Variants in SLC25A24 observed in about 807,000 individuals in gnomAD.
SLC25A24 encodes the protein solute carrier family 25 member 24.
In SLC25A24, 49 loss-of-function variants were observed where a neutral mutation model predicts 60.7. That is an observed-to-expected ratio of 0.81 (90% CI 0.64 to 1.02). SLC25A24 has a LOEUF of 1.02. SLC25A24 is among the 50% of genes least tolerant of loss of function. The pLI is 0.00. For missense variants in SLC25A24, 564 were observed against 586.3 expected (o/e 0.96, Z 0.39); for synonymous variants, 202 against 200.6 (o/e 1.01, Z -0.06).
At chr1:108,143,753 C>CT in intron 7 of SLC25A24, 43 bp from the exon 8 acceptor site, 1 of 1,462,612 alleles carries the variant, frequency 6.8e-7, no homozygotes, top group Non-Finnish European at 9.5e-7. Flanking sequence ...CATATTAACT[C>CT]TATCATCATG....
At chr1:108,181,284 TA>T (rs1266239418) in intron 3 of SLC25A24, among the ~76,000 whole-genome samples, 1 of 108,324 alleles carries the variant, frequency 9.2e-6, no homozygotes, top group Non-Finnish European at 1.9e-5. Flanking sequence ...ACAATATTAA[TA>T]CAATATAATT....
intron 2 of SLC25A24, among the ~76,000 whole-genome samples, chr1:108,185,490 A>G (rs552800103): frequency 7.2e-5 from 11 of 152,240 alleles, no homozygotes; most frequent in Non-Finnish European, 1.6e-4. Context: ...TTTTACCCAG[A>G]GGACAAGAAA....
Position 108,200,283 on chromosome 1 carries a change from G to A in SLC25A24, c.-145C>T. 2.8e-6 allele frequency: 1 copy of A among 361,656 alleles called. No individual in the cohort carries two copies. The highest frequency in any genetic ancestry group is 4.2e-6 in the Non-Finnish European group (1 of 238,692). The allele number at this position is 361,656 out of a possible 1,614,324, so 22.4% of individuals were successfully genotyped here. A position where few individuals can be genotyped will look rare whatever the true frequency, so the allele number is the denominator to read the frequency against. Reference sequence around the variant, plus strand: ...GCGCCGTCGGGGTTGCGGCTGCGGCGCGCAGGGCGCAGGGCGCAGGAGCGG... The same window carrying A: ...GCGCCGTCGGGGTTGCGGCTGCGGCACGCAGGGCGCAGGGCGCAGGAGCGG... On this transcript the variant is annotated 5_prime_UTR_variant, in exon 1 of 10. Transcript: ENST00000565488.
At chr1:108,144,146 G>A (rs1048169704) in intron 7 of SLC25A24, among the ~76,000 whole-genome samples, 1 of 152,066 alleles carries the variant, frequency 6.6e-6, no homozygotes. Flanking sequence ...GTTTTTTTGA[G>A]AGGTGTGTGG....
At chr1:108,137,590 G>C (rs1046220007) in intron 9 of SLC25A24, among the ~76,000 whole-genome samples, 6 of 152,184 alleles carry the variant, frequency 3.9e-5, no homozygotes, top group African/African-American at 7.2e-5. Context: ...AAAGATGTCT[G>C]AACAGATGTA....
At chr1:108,154,073 A>AT (rs3043351) in intron 6 of SLC25A24, among the ~76,000 whole-genome samples, 33,455 of 133,356 alleles carry the variant, frequency 0.25, 4,215 homozygotes, top group Middle Eastern at 0.28. Flanking sequence ...ATTTTCTTTA[A>AT]TTTTTTTTTT....
chr1:108,176,728 T>C (rs989247916), intron 3 of SLC25A24, among the ~76,000 whole-genome samples: 4 of 152,116 alleles, frequency 2.6e-5, no homozygotes, highest in African/African-American at 2.4e-5. Context: ...ATGATATATT[T>C]AAAGCGTTCA....
intron 1 of SLC25A24, among the ~76,000 whole-genome samples, chr1:108,192,160 C>T (rs1202446582): frequency 2.9e-5 from 4 of 138,346 alleles, no homozygotes; most frequent in Admixed American, 8.2e-5. Context: ...CTGGGGAGGG[C>T]GCATCTTTAG....
chr1:108,187,171 A>T (rs942616562), intron 1 of SLC25A24, among the ~76,000 whole-genome samples: 3 of 152,170 alleles, frequency 2.0e-5, no homozygotes, highest in African/African-American at 7.2e-5. Context: ...TGAGAGACAG[A>T]TCTGAAACTT....
At chr1:108,159,483 T>TA (rs67168766) in intron 4 of SLC25A24, among the ~76,000 whole-genome samples, 4 of 142,834 alleles carry the variant, frequency 2.8e-5, no homozygotes, top group Admixed American at 7.1e-5. Flanking sequence ...TTTTTTTTTT[T>TA]AATTGATCAT....
rs1451952382 is a variant in SLC25A24, at chr1:108,159,453, A to G, written c.510+1729T>C. The stretch of plus-strand genomic sequence containing the variant: ...AAGTTTTCAGAATGGACATTTATGC[A>G]GTCTTGGGTTGTTTTTTTTTTTTTT... On this transcript the variant is annotated intron_variant, in intron 4 of 9. Transcript: ENST00000565488. Among the ~76,000 whole-genome samples, 4 of 143,940 alleles carry G rather than the reference A, an allele frequency of 2.8e-5. No homozygotes were observed. The East Asian group carries it at 8.2e-4, about 29-fold the overall frequency. 94.4% of individuals were successfully genotyped at this position (143,940 alleles called of 152,430 possible). A position where few individuals can be genotyped will look rare whatever the true frequency, so the allele number is the denominator to read the frequency against.
In SLC25A24 at chr1:108,171,042, A is replaced by G. The variant is rs140748512; in HGVS notation, c.399-9749T>C. Among the ~76,000 whole-genome samples the G allele has an allele frequency of 5.9e-3, 893 of 152,264 alleles. 12 individuals are homozygous for G. The highest frequency in any genetic ancestry group is 0.02 in the African/African-American group (847 of 41,556). ...TTTACTGTACTTGAATTTATTTCTC[A>G]CATCTTACCTATTGCTTTCTAATTA... On this transcript the variant is annotated intron_variant, in intron 3 of 9. Coordinates refer to ENST00000565488, the MANE Select transcript of SLC25A24 (RefSeq NM_013386.5).
At chr1:108,175,988 T>C (rs1359987914) in intron 3 of SLC25A24, among the ~76,000 whole-genome samples, 1 of 151,266 alleles carries the variant, frequency 6.6e-6, no homozygotes, top group Non-Finnish European at 1.5e-5. Context: ...TCAACAACAA[T>C]CAGGAACAAA....
At position 108,156,472 on chromosome 1, in the gene SLC25A24, CCCT is replaced by C. The variant is rs1010879360; in HGVS notation, c.669+987_669+989del. On this transcript the variant is annotated intron_variant, in intron 5 of 9. Coordinates refer to ENST00000565488, the MANE Select transcript of SLC25A24 (RefSeq NM_013386.5). ...TCCTAAAGAAAAACACACACCAATC[CCCT>C]CTCCTTTTTCTTTAAAGCATTAGCT... Among the ~76,000 whole-genome samples the C allele has an allele frequency of 1.3e-3, 203 of 152,222 alleles. 2 individuals are homozygous for C. Among genetic ancestry groups the C allele is most frequent in the African/African-American group, 4.5e-3 (189 of 41,540 alleles).
chr1:108,192,827 G>C, intron 1 of SLC25A24: 1 of 1,200,752 alleles, frequency 8.3e-7, no homozygotes, highest in South Asian at 2.1e-5. Context: ...TCAGCGCAAA[G>C]GCGCGAGCGC....
At chr1:108,182,072 T>C (rs1288206936) in intron 2 of SLC25A24, 44 bp from the exon 3 acceptor site, 2 of 1,165,286 alleles carry the variant, frequency 1.7e-6, no homozygotes, top group Non-Finnish European at 2.5e-6. Flanking sequence ...TCAGAACTGG[T>C]AAGAACCACA....
At chr1:108,148,191 A>G in intron 7 of SLC25A24, 88 bp downstream of exon 7, 1 of 850,504 alleles carries the variant, frequency 1.2e-6, no homozygotes, top group Non-Finnish European at 2.0e-6. Flanking sequence ...GCTTGTTTTA[A>G]ACTGTTAATT....
At chr1:108,187,841 G>A (rs906819205) in intron 1 of SLC25A24, among the ~76,000 whole-genome samples, 13 of 146,760 alleles carry the variant, frequency 8.9e-5, no homozygotes, top group Admixed American at 3.5e-4. Context: ...TACAAGCAAT[G>A]TCAACTAGTG....
intron 3 of SLC25A24, among the ~76,000 whole-genome samples, chr1:108,161,885 G>A (rs1680094778): frequency 6.6e-6 from 1 of 151,270 alleles, no homozygotes; most frequent in African/African-American, 2.4e-5. Flanking sequence ...CCTTGCTGGT[G>A]CGCTGCACCC....
Sources: allele counts gnomAD v4.1 joint callset (sites outside exome capture counted in the v4.1 genomes callset), GRCh38; gene constraint gnomAD v4.1.1; transcripts MANE v1.5; gene names NCBI Gene and HGNC (gene_info 2026-07-23, HGNC 2026-07-21).